Variants in GRID2 observed in about 807,000 individuals in gnomAD.
The protein encoded by GRID2 is glutamate ionotropic receptor delta type subunit 2, also known as glutamate receptor ionotropic, delta-2.
GRID2 carries 33 observed loss-of-function variants against 114.8 expected under a neutral mutation model. The observed-to-expected ratio is 0.29, with a 90% CI of 0.22 to 0.38. GRID2 has a LOEUF of 0.38. Among genes scored for constraint, GRID2 ranks in the 10% least tolerant of loss-of-function variants. The pLI, the probability that GRID2 is intolerant of heterozygous loss-of-function variation, is 1.00. For missense variants in GRID2, 1,184 were observed against 1,257.7 expected, an observed-to-expected ratio of 0.94 and a Z score of 0.89; for synonymous variants, 505 against 449.9, an observed-to-expected ratio of 1.12 and a Z score of -1.55.
At chr4:92,768,527 G>A (rs1270280446) in intron 2 of GRID2, among the ~76,000 whole-genome samples, 2 of 152,158 alleles carry the variant, frequency 1.3e-5, no homozygotes, top group African/African-American at 2.4e-5. Context: ...ATTAGTTATA[G>A]CAGTGGGCAT....
At chr4:93,260,592 T>C (rs1750150241) in intron 8 of GRID2, among the ~76,000 whole-genome samples, 1 of 151,812 alleles carries the variant, frequency 6.6e-6, no homozygotes. Context: ...CTTTATGTTG[T>C]GACATTTGGT....
intron 2 of GRID2, among the ~76,000 whole-genome samples, chr4:92,613,925 A>G (rs1033301002): frequency 6.6e-6 from 1 of 151,328 alleles, no homozygotes; most frequent in African/African-American, 2.4e-5. Flanking sequence ...GCACATGATA[A>G]TTCTGCATAT....
chr4:93,678,991 TAA>T (rs1250310363), intron 14 of GRID2, among the ~76,000 whole-genome samples: 3 of 150,998 alleles, frequency 2.0e-5, no homozygotes, highest in Middle Eastern at 3.2e-3. Flanking sequence ...GCAAATTGGA[TAA>T]AGAGTCAAGA....
chr4:92,530,562 G>T (rs1051422992), intron 1 of GRID2, among the ~76,000 whole-genome samples: 2 of 147,960 alleles, frequency 1.4e-5, no homozygotes, highest in Admixed American at 6.8e-5. Context: ...AATAAATTTT[G>T]TAGAATTTGT....
intron 2 of GRID2, among the ~76,000 whole-genome samples, chr4:93,000,857 T>C (rs1041612083): frequency 1.6e-4 from 24 of 151,564 alleles, no homozygotes; most frequent in African/African-American, 5.1e-4. Flanking sequence ...TATTGGATGC[T>C]AAGTTCACTA....
At chr4:92,423,489 C>G (rs1732004389) in intron 1 of GRID2, among the ~76,000 whole-genome samples, 1 of 151,942 alleles carries the variant, frequency 6.6e-6, no homozygotes, top group South Asian at 2.1e-4. Context: ...TGTTTAGGGA[C>G]ACGATACTAG....
rs774862401 is a variant in GRID2, at chr4:93,749,568, C to T, written c.2361-19642C>T. On this transcript the variant is annotated intron_variant, in intron 14 of 15. Transcript: ENST00000282020. ...CTGACAAAGGACCAGAGAGGCAAACCGAGGCTGTTAGTCTACCACCATGCT... is the reference window on the plus strand; with the variant it reads ...CTGACAAAGGACCAGAGAGGCAAACTGAGGCTGTTAGTCTACCACCATGCT... 8.5e-5 allele frequency among the ~76,000 whole-genome samples: 13 copies of T among 152,238 alleles called. No homozygotes were observed. The South Asian group carries it at 2.3e-3, about 27-fold the overall frequency.
chr4:92,711,346 C>G (rs1025369636), intron 2 of GRID2, among the ~76,000 whole-genome samples: 1 of 152,144 alleles, frequency 6.6e-6, no homozygotes, highest in African/African-American at 2.4e-5. Context: ...CATCTCATCT[C>G]ACTGCAGTCC....
chr4:93,420,144 T>C (rs936132197), intron 9 of GRID2, among the ~76,000 whole-genome samples: 4 of 152,122 alleles, frequency 2.6e-5, no homozygotes, highest in Non-Finnish European at 5.9e-5. Flanking sequence ...CCTCTTACAA[T>C]TAATTTGCTG....
At chr4:93,386,921 A>G (rs376498317) in intron 8 of GRID2, among the ~76,000 whole-genome samples, 1 of 152,278 alleles carries the variant, frequency 6.6e-6, no homozygotes, top group East Asian at 1.9e-4. Flanking sequence ...AAGAATGCAA[A>G]TATGTATAAA....
At chr4:92,951,918 T>C (rs1752070756) in intron 2 of GRID2, among the ~76,000 whole-genome samples, 1 of 152,326 alleles carries the variant, frequency 6.6e-6, no homozygotes, top group African/African-American at 2.4e-5. Flanking sequence ...CTGTGTATTA[T>C]TTCATTACAT....
In GRID2 at chr4:92,792,562, A is replaced by G. The variant is rs1456578964; in HGVS notation, c.244+202276A>G. ...TTTGTCCCCCAAAGTTGAATAACAT[A>G]ATTTTTGGGAAGAGGAAGAATCCTT... On this transcript the variant is annotated intron_variant, in intron 2 of 15. Coordinates refer to ENST00000282020, the MANE Select transcript of GRID2 (RefSeq NM_001510.4). Among the ~76,000 whole-genome samples, 5 of 151,480 alleles carry G rather than the reference A, an allele frequency of 3.3e-5. 1 individual carries two copies. The highest frequency in any genetic ancestry group is 7.4e-5 in the Non-Finnish European group (5 of 67,828).
In GRID2 at chr4:92,590,216, A is replaced by G. The variant is rs770746104; in HGVS notation, c.174A>G (p.Leu58=). The part of the protein sequence containing the change: ...VGDLNQNEEI[L]QTEKITFSVT... Reference sequence around the variant, plus strand: ...ACCTTAACCAGAATGAGGAGATCTTACAGACTGAGAAAATCACATTTTCAG... The same window carrying G: ...ACCTTAACCAGAATGAGGAGATCTTGCAGACTGAGAAAATCACATTTTCAG... Residue 58 remains leucine, a synonymous_variant, in exon 2 of 16, where the codon TTA becomes TTG. Coordinates refer to ENST00000282020, the MANE Select transcript of GRID2 (RefSeq NM_001510.4). The G allele has an allele frequency of 6.2e-7, 1 of 1,612,412 alleles. No individual in the cohort carries two copies. The highest frequency in any genetic ancestry group is 1.1e-5 in the South Asian group (1 of 91,042).
chr4:93,187,346 G>C (rs541580121), intron 4 of GRID2, among the ~76,000 whole-genome samples: 2 of 150,910 alleles, frequency 1.3e-5, no homozygotes. Context: ...GTGTGATCTC[G>C]GCTCTTAGCA....
chr4:92,838,265 A>G (rs1742611128), intron 2 of GRID2, among the ~76,000 whole-genome samples: 1 of 152,122 alleles, frequency 6.6e-6, no homozygotes, highest in Non-Finnish European at 1.5e-5. Flanking sequence ...AGACATAAAA[A>G]TTGAATATCA....
intron 14 of GRID2, among the ~76,000 whole-genome samples, chr4:93,765,617 T>TATATATATATATATGAGGC (rs1553999304): frequency 7.4e-5 from 11 of 148,026 alleles, no homozygotes; most frequent in African/African-American, 2.7e-4. Context: ...ATTATATATA[T>TATATATATATATATGAGGC]ATATATATAT....
chr4:93,349,438 A>G (rs1579771522), intron 8 of GRID2, among the ~76,000 whole-genome samples: 1 of 152,060 alleles, frequency 6.6e-6, no homozygotes, highest in African/African-American at 2.4e-5. Flanking sequence ...AATATTTTCT[A>G]TATTTCTTTT....
intron 2 of GRID2, among the ~76,000 whole-genome samples, chr4:92,790,786 G>A (rs569756070): frequency 6.6e-6 from 1 of 151,110 alleles, no homozygotes; most frequent in East Asian, 2.0e-4. Context: ...TATGTGGCCA[G>A]TAAATGTATC....
intron 2 of GRID2, among the ~76,000 whole-genome samples, chr4:92,930,962 AGC>A (rs1308140150): frequency 6.6e-6 from 1 of 151,006 alleles, no homozygotes; most frequent in Non-Finnish European, 1.5e-5. Context: ...AAAAAGTAAA[AGC>A]AACATTACAC....
Sources: gnomAD v4.1 joint callset for allele counts (sites outside exome capture counted in the v4.1 genomes callset) on GRCh38, gnomAD v4.1.1 for gene constraint, MANE v1.5 for transcripts, NCBI Gene and HGNC (gene_info 2026-07-23, HGNC 2026-07-21) for gene names.